The following UNC79 variants were observed in gnomAD, a reference collection of about 807,000 sequenced individuals.
The protein encoded by UNC79 is unc-79 subunit of NALCN channel complex, also known as protein unc-79 homolog.
Under a neutral mutation model 283.1 loss-of-function variants are expected in UNC79, and 37 were observed. The ratio of observed to expected loss-of-function variants is 0.13; its 90% CI spans 0.10 to 0.17. The LOEUF (loss-of-function observed/expected upper bound fraction) is 0.17. UNC79 is among the 10% of genes least tolerant of loss of function. UNC79 has a pLI of 1.00. For synonymous variants in UNC79, 1,107 were observed against 1,200.2 expected, an observed-to-expected ratio of 0.92 and a Z score of 1.61; for missense variants, 2,272 against 3,211.1, an observed-to-expected ratio of 0.71 and a Z score of 7.07.
chr14:93,386,844 C>T (rs773150221), intron 1 of UNC79, among the ~76,000 whole-genome samples: 1 of 139,842 alleles, frequency 7.2e-6, no homozygotes, highest in African/African-American at 2.7e-5. Flanking sequence ...GTTTGTCACT[C>T]TTGTTTATCT....
At chr14:93,370,997 A>T (rs762478933) in intron 1 of UNC79, among the ~76,000 whole-genome samples, 4 of 152,176 alleles carry the variant, frequency 2.6e-5, no homozygotes, top group Non-Finnish European at 5.9e-5. Flanking sequence ...AATTAATGTC[A>T]AACACCAAAC....
chr14:93,479,545 GC>G (rs2058012558), intron 4 of UNC79, among the ~76,000 whole-genome samples: 2 of 151,324 alleles, frequency 1.3e-5, no homozygotes, highest in Non-Finnish European at 2.9e-5. Context: ...TGATCCACCC[GC>G]CTCAGCCTCC....
At chr14:93,523,785 T>C (rs559975232) in intron 7 of UNC79, among the ~76,000 whole-genome samples, 193 bp from the exon 8 acceptor site, 1 of 152,338 alleles carries the variant, frequency 6.6e-6, no homozygotes, top group African/African-American at 2.4e-5. Context: ...TTATCTCTTA[T>C]CCTAGGAAAA....
At chr14:93,567,184 C>T (rs2062942352) in intron 14 of UNC79, among the ~76,000 whole-genome samples, 1 of 152,120 alleles carries the variant, frequency 6.6e-6, no homozygotes, top group Admixed American at 6.5e-5. Flanking sequence ...CAAATGCCAA[C>T]CTATACCCAA....
At chr14:93,654,106 C>A in intron 37 of UNC79, 81 bp downstream of exon 40, 2 of 1,188,650 alleles carry the variant, frequency 1.7e-6, no homozygotes, top group South Asian at 1.3e-5. Flanking sequence ...TTCTTTGAGT[C>A]ACACCATAGG....
intron 20 of UNC79, among the ~76,000 whole-genome samples, chr14:93,582,734 G>A (rs1323081218): frequency 2.0e-5 from 3 of 152,148 alleles, no homozygotes; most frequent in Admixed American, 1.3e-4. Flanking sequence ...GGCTGAGCTC[G>A]AAGGCTACTT....
chr14:93,580,153 A>C, exon 19 of UNC79: 1 of 1,610,336 alleles, frequency 6.2e-7, no homozygotes, highest in Non-Finnish European at 8.5e-7. Context: ...TTTCAGATGG[A>C]GTTACAAGAT....
At chr14:93,392,359 T>TA (rs1445368115) in intron 1 of UNC79, among the ~76,000 whole-genome samples, 2 of 152,136 alleles carry the variant, frequency 1.3e-5, no homozygotes, top group African/African-American at 2.4e-5. Context: ...TATTTAATGT[T>TA]AAAAAATAAG....
chr14:93,548,957 G>A (rs1292002353), intron 14 of UNC79, among the ~76,000 whole-genome samples: 3 of 152,042 alleles, frequency 2.0e-5, no homozygotes, highest in African/African-American at 7.2e-5. Context: ...AGCAAATTTT[G>A]TGAATATACA....
At position 93,404,493 on chromosome 14, in the gene UNC79, A is replaced by AAAAAAAATATATAT; in HGVS notation, c.-350-63177_-350-63176insAAAAAATATATATA. 2.1e-4 allele frequency among the ~76,000 whole-genome samples: 13 copies of AAAAAAAATATATAT among 61,500 alleles called. No individual in the cohort carries two copies. The East Asian group carries it at 2.2e-3, about 10-fold the overall frequency. 40.3% of individuals were successfully genotyped at this position (61,500 alleles called of 152,430 possible). ...TGACAGAGTGAGACCTTCTAAAAAA[A>AAAAAAAATATATAT]ATATATATATATATATATATAAATA... On this transcript the variant is annotated intron_variant, in intron 1 of 49. Transcript: ENST00000256339.
chr14:93,641,609 C>A (rs142544506), intron 33 of UNC79, among the ~76,000 whole-genome samples: 1 of 152,064 alleles, frequency 6.6e-6, no homozygotes, highest in African/African-American at 2.4e-5. Flanking sequence ...GCTGTGATAG[C>A]GCCACTACAC....
At chr14:93,521,682 T>C (rs1457191672) in intron 7 of UNC79, among the ~76,000 whole-genome samples, 1 of 151,216 alleles carries the variant, frequency 6.6e-6, no homozygotes, top group Non-Finnish European at 1.5e-5. Context: ...TCTAGTTGTT[T>C]ATGGTGGGAA....
chr14:93,538,118 G>C (rs1333336420), exon 12 of UNC79: 1 of 1,614,158 alleles, frequency 6.2e-7, no homozygotes. Flanking sequence ...TGAAGTGGGG[G>C]CCGCTGCGGA....
chr14:93,690,884 G>C lies in UNC79; in HGVS notation c.7272+581G>C, dbSNP rs2074633546. The C allele has an allele frequency of 6.5e-6, 1 of 154,572 alleles. No homozygotes were observed. Among genetic ancestry groups the C allele is most frequent in the South Asian group, 2.0e-4 (1 of 4,994 alleles). The allele number at this position is 154,572 out of a possible 1,614,324, so 9.6% of individuals were successfully genotyped here. ...GTCATGAGCCTGTGCAGGCAAACCGGACACATTGGTACTAATCAGCTCCGA... is the reference window on the plus strand; with the variant it reads ...GTCATGAGCCTGTGCAGGCAAACCGCACACATTGGTACTAATCAGCTCCGA... On this transcript the variant is annotated intron_variant, in intron 45 of 48. Coordinates refer to ENST00000555664, the Ensembl canonical transcript of UNC79. The surrounding 1 kb of genome is among the most constrained non-coding windows in gnomAD (Gnocchi z 4.3).
chr14:93,397,280 C>G (rs1261454860), intron 1 of UNC79: 1 of 152,172 alleles, frequency 6.6e-6, no homozygotes, highest in African/African-American at 2.4e-5. Flanking sequence ...GACAAATGCC[C>G]TGGGTAAAGC....
intron 1 of UNC79, among the ~76,000 whole-genome samples, chr14:93,347,784 T>G (rs897263928): frequency 6.6e-6 from 1 of 151,886 alleles, no homozygotes. Flanking sequence ...GTGGAAATCC[T>G]GGGCCACATC....
chr14:93,600,646 C>G (rs755758758), exon 25 of UNC79: 1 of 1,613,484 alleles, frequency 6.2e-7, no homozygotes, highest in African/African-American at 1.3e-5. Context: ...AGCTTTTACT[C>G]TTGCACTTTC....
At chr14:93,542,745 G>A (rs1299242708) in intron 14 of UNC79, 49 bp downstream of exon 14, 27 of 1,590,104 alleles carry the variant, frequency 1.7e-5, no homozygotes, top group Non-Finnish European at 2.3e-5. Context: ...AGGACTTGGG[G>A]AGAAGTGCTG....
chr14:93,657,659 G>A (rs1033167041), intron 38 of UNC79, among the ~76,000 whole-genome samples: 2 of 152,152 alleles, frequency 1.3e-5, no homozygotes, highest in East Asian at 1.9e-4. Context: ...CTGAGGTATG[G>A]CAAATTTAAA....
Sources: gnomAD v4.1 joint callset for allele counts (sites outside exome capture counted in the v4.1 genomes callset) on GRCh38, gnomAD v4.1.1 for gene constraint, Gnocchi (gnomAD v3.1) non-coding constraint, MANE v1.5 for transcripts, NCBI Gene and HGNC (gene_info 2026-07-23, HGNC 2026-07-21) for gene names.